The following FAF1 variants were observed in gnomAD, a reference collection of about 807,000 sequenced individuals.
FAF1 encodes the protein FAS-associated factor 1.
FAF1 carries 25 observed loss-of-function variants against 92.5 expected under a neutral mutation model. The observed-to-expected ratio is 0.27, with a 90% CI of 0.20 to 0.38. The LOEUF is 0.38. Among genes scored for constraint, FAF1 ranks in the 10% least tolerant of loss-of-function variants. The pLI is 1.00. For missense variants in FAF1, 636 were observed against 793.3 expected, an observed-to-expected ratio of 0.80 and a Z score of 2.38; for synonymous variants, 234 against 273.2, an observed-to-expected ratio of 0.86 and a Z score of 1.42.
At chr1:50,467,707 C>T (rs922349530) in intron 18 of FAF1, among the ~76,000 whole-genome samples, 1 of 152,118 alleles carries the variant, frequency 6.6e-6, no homozygotes, top group South Asian at 2.1e-4. Flanking sequence ...AACACAGGCT[C>T]CGCAGTCATA....
intron 1 of FAF1, among the ~76,000 whole-genome samples, chr1:50,901,940 A>G (rs1355189924): frequency 6.6e-6 from 1 of 152,234 alleles, no homozygotes; most frequent in Non-Finnish European, 1.5e-5. Flanking sequence ...CAGATCTTTT[A>G]GAACAGCTCT....
At chr1:50,632,158 A>G (rs969282304) in intron 8 of FAF1, among the ~76,000 whole-genome samples, 1 of 152,218 alleles carries the variant, frequency 6.6e-6, no homozygotes, top group Non-Finnish European at 1.5e-5. Flanking sequence ...GGTACGATGA[A>G]CACTATAGGG....
intron 8 of FAF1, among the ~76,000 whole-genome samples, chr1:50,624,633 G>C (rs1314977849): frequency 6.6e-6 from 1 of 151,990 alleles, no homozygotes; most frequent in African/African-American, 2.4e-5. Context: ...CATATGAAAA[G>C]GAAAACAAAA....
At chr1:50,867,330 T>C (rs756859569) in intron 1 of FAF1, among the ~76,000 whole-genome samples, 1 of 151,896 alleles carries the variant, frequency 6.6e-6, no homozygotes, top group African/African-American at 2.4e-5. Context: ...CCAAGATAAA[T>C]AGATGAAACT....
At chr1:50,759,355 A>T (rs1327771431) in intron 4 of FAF1, among the ~76,000 whole-genome samples, 2 of 129,744 alleles carry the variant, frequency 1.5e-5, no homozygotes, top group East Asian at 2.5e-4. Context: ...CCTGTGTCCA[A>T]GTGTTCTCAT....
intron 7 of FAF1, among the ~76,000 whole-genome samples, chr1:50,674,649 T>C (rs1215801184): frequency 6.6e-6 from 1 of 152,186 alleles, no homozygotes; most frequent in African/African-American, 2.4e-5. Flanking sequence ...TGGCGTGTTT[T>C]ACTGCATTAT....
intron 6 of FAF1, among the ~76,000 whole-genome samples, chr1:50,721,300 C>G (rs1013687093): frequency 6.6e-6 from 1 of 152,014 alleles, no homozygotes. Flanking sequence ...CTGCAACCTC[C>G]GCCTCCCAGG....
intron 4 of FAF1, among the ~76,000 whole-genome samples, chr1:50,770,199 A>G (rs192871865): frequency 2.6e-5 from 4 of 152,348 alleles, no homozygotes; most frequent in African/African-American, 7.2e-5. Flanking sequence ...GAACAAGAAA[A>G]GGATGCCCTC....
rs1390375529 is a variant in FAF1 at position 50,587,799 on chromosome 1, T to C, written c.841-2988A>G. Among the ~76,000 whole-genome samples the C allele has an allele frequency of 2.0e-5, 3 of 152,192 alleles. No individual in the cohort carries two copies. In the East Asian group the frequency reaches 5.8e-4, roughly 29 times the overall value. ...ACAGAGTGATTAGTGCTATGACATG[T>C]AAATTCAGAAGAGAGGACCTAAATC... is the stretch of plus-strand genomic sequence containing the variant. On this transcript the variant is annotated intron_variant, in intron 9 of 18. Coordinates refer to ENST00000396153, the MANE Select transcript of FAF1 (RefSeq NM_007051.3).
intron 4 of FAF1, among the ~76,000 whole-genome samples, chr1:50,786,263 T>C (rs747441041): frequency 3.3e-5 from 5 of 152,194 alleles, no homozygotes; most frequent in Non-Finnish European, 4.4e-5. Flanking sequence ...CACAATGGAA[T>C]ATTATTCAGT....
intron 6 of FAF1, among the ~76,000 whole-genome samples, chr1:50,718,832 T>G (rs1011259983): frequency 2.0e-5 from 3 of 152,240 alleles, no homozygotes; most frequent in African/African-American, 7.2e-5. Flanking sequence ...TATTTTTATC[T>G]CTTTAGCTAC....
At chr1:50,479,545 G>A (rs767965475) in intron 17 of FAF1, among the ~76,000 whole-genome samples, 14 of 152,002 alleles carry the variant, frequency 9.2e-5, no homozygotes, top group Non-Finnish European at 1.9e-4. Context: ...ATTCCTTTTC[G>A]CCTACTTTAA....
intron 6 of FAF1, among the ~76,000 whole-genome samples, chr1:50,721,530 C>A (rs1658412406): frequency 6.6e-6 from 1 of 152,068 alleles, no homozygotes; most frequent in Admixed American, 6.6e-5. Flanking sequence ...AAAATTACAA[C>A]TGAATCATTC....
intron 8 of FAF1, among the ~76,000 whole-genome samples, chr1:50,631,211 A>C (rs935379693): frequency 6.6e-6 from 1 of 152,044 alleles, no homozygotes; most frequent in Non-Finnish European, 1.5e-5. Flanking sequence ...GTCCCTCCTT[A>C]TACACAGTTT....
intron 8 of FAF1, among the ~76,000 whole-genome samples, chr1:50,633,002 A>G (rs1361245384): frequency 6.6e-6 from 1 of 152,158 alleles, no homozygotes; most frequent in African/African-American, 2.4e-5. Context: ...TAAATTATCT[A>G]TTTTTAATTA....
At chr1:50,831,539 G>A (rs1402024244) in intron 2 of FAF1, among the ~76,000 whole-genome samples, 1 of 152,146 alleles carries the variant, frequency 6.6e-6, no homozygotes, top group African/African-American at 2.4e-5. Context: ...CTTGTACAGT[G>A]TTGGGTTTCT....
chr1:50,530,027 C>A (rs1648055859), intron 15 of FAF1, among the ~76,000 whole-genome samples: 1 of 152,138 alleles, frequency 6.6e-6, no homozygotes, highest in Non-Finnish European at 1.5e-5. Context: ...GTAACCTAAT[C>A]ATCAACAGTT....
intron 1 of FAF1, among the ~76,000 whole-genome samples, chr1:50,891,978 G>C (rs1277066657): frequency 3.0e-4 from 45 of 152,186 alleles, no homozygotes; most frequent in Non-Finnish European, 2.2e-4. Flanking sequence ...GAGGCAGGCA[G>C]GCCTCCTTGA....
intron 15 of FAF1, among the ~76,000 whole-genome samples, chr1:50,510,191 T>G (rs1384600087): frequency 2.0e-5 from 3 of 150,708 alleles, no homozygotes; most frequent in African/African-American, 7.3e-5. Context: ...AAAATTTAAA[T>G]TTAAAACTCC....
Sources: allele counts gnomAD v4.1 joint callset (sites outside exome capture counted in the v4.1 genomes callset), GRCh38; gene constraint gnomAD v4.1.1; transcripts MANE v1.5; gene names NCBI Gene and HGNC (gene_info 2026-07-23, HGNC 2026-07-21).